Variants in WDFY3 observed in about 807,000 individuals in gnomAD.
WDFY3 encodes the protein WD repeat and FYVE domain-containing protein 3.
In WDFY3, 66 loss-of-function variants were observed where a neutral mutation model predicts 409.6. The ratio of observed to expected loss-of-function variants is 0.16; its 90% CI spans 0.13 to 0.20. The LOEUF (loss-of-function observed/expected upper bound fraction) is 0.20, where lower values mean the gene tolerates loss of function less well. WDFY3 is among the 10% of genes least tolerant of loss of function. WDFY3 has a pLI of 1.00. For missense variants in WDFY3, 3,031 were observed against 4,298.1 expected (o/e 0.71, Z 8.24); for synonymous variants, 1,521 against 1,537.1 (o/e 0.99, Z 0.25).
At chr4:84,867,871 A>G (rs1317715558) in intron 3 of WDFY3, among the ~76,000 whole-genome samples, 1 of 152,152 alleles carries the variant, frequency 6.6e-6, no homozygotes, top group Admixed American at 6.5e-5. Flanking sequence ...GTTTCATCAA[A>G]GAATTATAAG....
chr4:84,909,044 A>ACT (rs1767424881), intron 2 of WDFY3, among the ~76,000 whole-genome samples: 1 of 151,438 alleles, frequency 6.6e-6, no homozygotes, highest in Admixed American at 6.6e-5. Context: ...ACACACACAC[A>ACT]CACGCACACA....
At chr4:84,961,799 G>T (rs1579306342) in intron 1 of WDFY3, among the ~76,000 whole-genome samples, 1 of 152,254 alleles carries the variant, frequency 6.6e-6, no homozygotes, top group East Asian at 1.9e-4. Context: ...ACCAAGTGCT[G>T]ATAAAGATGT....
intron 15 of WDFY3, among the ~76,000 whole-genome samples, chr4:84,804,456 T>C (rs1751177000): frequency 1.3e-5 from 2 of 152,186 alleles, no homozygotes; most frequent in African/African-American, 4.8e-5. Context: ...TACCGTTCTC[T>C]TTTTAACAGG....
intron 3 of WDFY3, among the ~76,000 whole-genome samples, chr4:84,890,442 T>C (rs1338789488): frequency 6.6e-6 from 1 of 152,228 alleles, no homozygotes; most frequent in Non-Finnish European, 1.5e-5. Flanking sequence ...GAGACCACAC[T>C]GTCAATGATA....
At chr4:84,755,213 G>C in intron 34 of WDFY3, 53 bp downstream of exon 34, 1 of 1,582,272 alleles carries the variant, frequency 6.3e-7, no homozygotes. Context: ...TTACAAAAAA[G>C]TATCCTAGGC....
intron 32 of WDFY3, among the ~76,000 whole-genome samples, chr4:84,760,424 C>G (rs1478259572): frequency 6.6e-6 from 1 of 152,028 alleles, no homozygotes; most frequent in African/African-American, 2.4e-5. Context: ...GCTGTGAATC[C>G]ATCTGGTCCT....
intron 56 of WDFY3, among the ~76,000 whole-genome samples, chr4:84,699,807 A>G (rs977989444): frequency 6.6e-6 from 1 of 152,022 alleles, no homozygotes; most frequent in Non-Finnish European, 1.5e-5. Context: ...CCTAATGACT[A>G]ATGATGTTCA....
Position 84,842,220 on chromosome 4 carries a change from T to C in WDFY3, c.305-957A>G, listed in dbSNP as rs1757458929. ...GGCAGGGCATGGTGGCTCACACCTGTAATCCCAGCACTTTGGGAGGCCAAG... is the reference window on the plus strand; with the variant it reads ...GGCAGGGCATGGTGGCTCACACCTGCAATCCCAGCACTTTGGGAGGCCAAG... On this transcript the variant is annotated intron_variant, in intron 5 of 67. Transcript: ENST00000295888. Among the ~76,000 whole-genome samples, 4 of 152,142 alleles carry C rather than the reference T, an allele frequency of 2.6e-5. No homozygotes were observed. In the South Asian group the frequency reaches 8.3e-4, roughly 32 times the overall value.
In WDFY3 at chr4:84,679,060, C is replaced by G; in HGVS notation, c.10006G>C (p.Asp3336His). 1 of 1,614,150 alleles carries G rather than the reference C, an allele frequency of 6.2e-7. No individual in the cohort carries two copies. The highest frequency in any genetic ancestry group is 8.5e-7 in the Non-Finnish European group (1 of 1,180,020). ...TCTTTCTCATCTAGACTGAGCTGGT[C>G]GGACCAGCGTCTGGAGTCGTCAGAG... ...SGSDDSRRWSDQLSLDEKDGF... is the reference protein window; with the variant it reads ...SGSDDSRRWSHQLSLDEKDGF... Residue 3336 changes from aspartate to histidine, a missense_variant, in exon 65 of 68, where the codon GAC (aspartate) becomes CAC (histidine). By Grantham distance (81) the Asp-to-His change is moderately conservative (BLOSUM62 -1). Coordinates refer to ENST00000295888, the MANE Select transcript of WDFY3 (RefSeq NM_014991.6).
At chr4:84,855,926 A>C (rs1441423201) in intron 4 of WDFY3, among the ~76,000 whole-genome samples, 1 of 152,160 alleles carries the variant, frequency 6.6e-6, no homozygotes, top group East Asian at 1.9e-4. Context: ...GCCTCATGAG[A>C]ATATGCATTC....
intron 64 of WDFY3, 47 bp from the exon 65 acceptor site, chr4:84,679,289 T>G: frequency 7.0e-7 from 1 of 1,438,490 alleles, no homozygotes; most frequent in Non-Finnish European, 9.2e-7. Flanking sequence ...CCATCAAAGT[T>G]ACACCCAGCT....
At chr4:84,802,146 C>T (rs1326336344) in intron 16 of WDFY3, among the ~76,000 whole-genome samples, 1 of 151,978 alleles carries the variant, frequency 6.6e-6, no homozygotes, top group Non-Finnish European at 1.5e-5. Flanking sequence ...CAGGGTTTCA[C>T]CATGTTGGCT....
intron 32 of WDFY3, among the ~76,000 whole-genome samples, chr4:84,763,263 A>G (rs896421915): frequency 3.9e-5 from 6 of 152,154 alleles, no homozygotes; most frequent in Non-Finnish European, 5.9e-5. Context: ...CATCATCCTC[A>G]GCAAACTAAC....
chr4:84,672,577 T>A lies in WDFY3; in HGVS notation c.*291A>T, dbSNP rs371981457. 3.1e-5 allele frequency: 7 copies of A among 227,356 alleles called. No homozygotes were observed. The highest frequency in any genetic ancestry group is 1.6e-4 in the African/African-American group (7 of 44,224). 14.1% of individuals were successfully genotyped at this position (227,356 alleles called of 1,614,324 possible). On this transcript the variant is annotated 3_prime_UTR_variant, in exon 68 of 68. Coordinates refer to ENST00000295888, the MANE Select transcript of WDFY3 (RefSeq NM_014991.6). ...GATGCAAGAAAAGAGAGTTAATAAGTGAGGATTTTTCTCTTGGAGACAGCT... is the reference window on the plus strand; with the variant it reads ...GATGCAAGAAAAGAGAGTTAATAAGAGAGGATTTTTCTCTTGGAGACAGCT...
chr4:84,847,816 A>C (rs1466361144), intron 5 of WDFY3, among the ~76,000 whole-genome samples: 2 of 150,250 alleles, frequency 1.3e-5, no homozygotes, highest in African/African-American at 2.4e-5. Context: ...AAAAAACAAA[A>C]AAAACCCCAG....
intron 32 of WDFY3, among the ~76,000 whole-genome samples, chr4:84,765,035 T>C (rs1743387894): frequency 6.6e-6 from 1 of 152,206 alleles, no homozygotes; most frequent in Non-Finnish European, 1.5e-5. Context: ...ATATTCTCAA[T>C]ATCAGCTTCT....
chr4:84,905,970 A>T (rs550641060), intron 2 of WDFY3, among the ~76,000 whole-genome samples: 1 of 152,152 alleles, frequency 6.6e-6, no homozygotes, highest in Non-Finnish European at 1.5e-5. Context: ...ATGACCCTCT[A>T]TCACCTCATC....
chr4:84,878,055 TAA>T (rs1763017968), intron 3 of WDFY3, among the ~76,000 whole-genome samples: 1 of 152,226 alleles, frequency 6.6e-6, no homozygotes, highest in Non-Finnish European at 1.5e-5. Flanking sequence ...CCATTTTTGT[TAA>T]GATTGTTGGG....
chr4:84,800,148 G>A (rs974928856), intron 17 of WDFY3, among the ~76,000 whole-genome samples: 10 of 152,188 alleles, frequency 6.6e-5, no homozygotes, highest in African/African-American at 9.6e-5. Context: ...TATAAAGGCC[G>A]TGAACACAGC....
Sources: gnomAD v4.1 joint callset for allele counts (sites outside exome capture counted in the v4.1 genomes callset) on GRCh38, gnomAD v4.1.1 for gene constraint, MANE v1.5 for transcripts, NCBI Gene and HGNC (gene_info 2026-07-23, HGNC 2026-07-21) for gene names.